Variants in ROPN1L observed in about 807,000 individuals in gnomAD.
The protein encoded by ROPN1L is ropporin-1-like protein.
A neutral mutation model predicts 22.7 loss-of-function variants in ROPN1L; 23 were observed. The ratio of observed to expected loss-of-function variants is 1.01; its 90% CI spans 0.73 to 1.43. The LOEUF (loss-of-function observed/expected upper bound fraction) is 1.43, where lower values mean the gene tolerates loss of function less well. ROPN1L is among the 40% of genes most tolerant of loss of function. The pLI is 0.00. For synonymous variants in ROPN1L, 116 were observed against 117.8 expected, an observed-to-expected ratio of 0.98 and a Z score of 0.10; for missense variants, 271 against 291.5, an observed-to-expected ratio of 0.93 and a Z score of 0.51.
the ROPN1L span, among the ~76,000 whole-genome samples, chr5:10,477,802 C>T: frequency 6.6e-6 from 1 of 152,024 alleles, no homozygotes; most frequent in African/African-American, 2.4e-5. Context: ...TGGTGGCGTT[C>T]ACCTATAATC....
downstream of ROPN1L, among the ~76,000 whole-genome samples, chr5:10,475,566 A>G (rs1451080392): frequency 6.6e-6 from 1 of 152,246 alleles, no homozygotes; most frequent in Non-Finnish European, 1.5e-5. Context: ...AGTAAACATA[A>G]TGCCCACTTC....
intron 3 of ROPN1L, among the ~76,000 whole-genome samples, chr5:10,458,549 AC>A (rs1396458661): frequency 1.5e-5 from 1 of 65,502 alleles, no homozygotes. Flanking sequence ...CCCCGTGTAC[AC>A]CATCCCCCCC....
In ROPN1L at chr5:10,461,247, G is replaced by C. The variant is rs761391233; in HGVS notation, c.481G>C (p.Ala161Pro). Reference protein sequence around the residue: ...ILTDDPEGGPARIPFKTFSYV... With the variant: ...ILTDDPEGGPPRIPFKTFSYV... ...CACGGACGATCCGGAGGGCGGGCCC[G>C]CTCGCATCCCCTTCAAGACGTTTTC... The change falls in exon 4 of 5, where the codon GCT becomes CCT. Residue 161 changes from alanine to proline, a missense_variant. Physicochemically the swap from Ala to Pro is conservative, Grantham distance 27. Coordinates refer to ENST00000274134, the MANE Select transcript of ROPN1L (RefSeq NM_031916.5). 41 of 1,614,032 alleles carry C rather than the reference G, an allele frequency of 2.5e-5. No homozygotes were observed. In the East Asian group the frequency reaches 8.5e-4, roughly 33 times the overall value.
intron 4 of ROPN1L, among the ~76,000 whole-genome samples, chr5:10,462,006 T>C (rs1735040701): frequency 6.6e-6 from 1 of 152,194 alleles, no homozygotes. Flanking sequence ...CTAAGCCCTG[T>C]CCTTTTAGGG....
chr5:10,448,343 C>G lies in ROPN1L; in HGVS notation c.215C>G (p.Thr72Arg), dbSNP rs764389098. 35 of 1,614,194 alleles carry G rather than the reference C, an allele frequency of 2.2e-5. No individual in the cohort carries two copies. Among genetic ancestry groups the G allele is most frequent in the Middle Eastern group, 3.3e-4 (2 of 6,060 alleles). ...CCCACGGCAACCCAGAAAACAGACA[C>G]AGGCCTGACTCAAGGACTCCTGAAA... ...EMPTATQKTDTGLTQGLLKVL... is the reference protein window; with the variant it reads ...EMPTATQKTDRGLTQGLLKVL... The change falls in exon 2 of 5, where the codon ACA (threonine) becomes AGA (arginine). Residue 72 changes from threonine to arginine, a missense_variant. Physicochemically the swap from Thr to Arg is moderately conservative, Grantham distance 71 (BLOSUM62 -1). Transcript: ENST00000274134.
intron 1 of ROPN1L, among the ~76,000 whole-genome samples, chr5:10,444,454 C>A (rs1021464757): frequency 3.3e-5 from 5 of 152,036 alleles, no homozygotes; most frequent in Admixed American, 2.0e-4. Context: ...CCACACCCGG[C>A]TAATTTTTGT....
At chr5:10,472,579 C>G (rs1735266507), downstream of ROPN1L, among the ~76,000 whole-genome samples, 1 of 152,170 alleles carries the variant, frequency 6.6e-6, no homozygotes, top group Non-Finnish European at 1.5e-5. Context: ...ATACGTGACA[C>G]TGTTATGTTG....
At chr5:10,453,744 G>A (rs917612656) in intron 3 of ROPN1L, among the ~76,000 whole-genome samples, 3 of 152,088 alleles carry the variant, frequency 2.0e-5, no homozygotes, top group Admixed American at 6.5e-5. Context: ...CAAATTCATC[G>A]AGTTGAAGAT....
chr5:10,463,014 G>A (rs1181589348), intron 4 of ROPN1L, among the ~76,000 whole-genome samples: 3 of 152,198 alleles, frequency 2.0e-5, no homozygotes, highest in East Asian at 3.8e-4. Context: ...GTAGTGCCAC[G>A]GATGCAGGAT....
chr5:10,466,313 T>G (rs1197842501), downstream of ROPN1L, among the ~76,000 whole-genome samples: 1 of 152,114 alleles, frequency 6.6e-6, no homozygotes, highest in Non-Finnish European at 1.5e-5. Flanking sequence ...GAGACGTGCT[T>G]TCACTGTGAC....
At position 10,442,298 on chromosome 5, in the gene ROPN1L, G is replaced by C; in HGVS notation, c.131G>C (p.Gly44Ala). The part of the protein sequence containing the change: ...QPADVLRWSA[G>A]YFSALSRGDP... Reference sequence around the variant, plus strand: ...GCCGACGTGCTGCGGTGGTCCGCGGGGTAAGCGCCCTTGGCCCGGGGAGCT... The same window carrying C: ...GCCGACGTGCTGCGGTGGTCCGCGGCGTAAGCGCCCTTGGCCCGGGGAGCT... Residue 44 changes from glycine to alanine, a missense_variant and splice_region_variant, in exon 1 of 5, where the codon GGC (glycine) becomes GCC (alanine). Gly to Ala is a moderately conservative substitution (Grantham distance 60). Transcript: ENST00000274134. 1 of 1,612,952 alleles carries C rather than the reference G, an allele frequency of 6.2e-7. No homozygotes were observed. Among genetic ancestry groups the C allele is most frequent in the African/African-American group, 1.3e-5 (1 of 75,048 alleles).
downstream of ROPN1L, among the ~76,000 whole-genome samples, chr5:10,467,990 C>T (rs184583902): frequency 1.3e-5 from 2 of 152,338 alleles, no homozygotes; most frequent in Non-Finnish European, 2.9e-5. Context: ...GGCCACTGGC[C>T]GGCTCAGCAT....
chr5:10,481,859 C>G, the ROPN1L span: 1 of 152,222 alleles, frequency 6.6e-6, no homozygotes, highest in African/African-American at 2.4e-5. Flanking sequence ...ACCAAACCTG[C>G]TCTCTGCTCT....
downstream of ROPN1L, among the ~76,000 whole-genome samples, chr5:10,467,893 C>T (rs1308856922): frequency 1.3e-5 from 2 of 152,168 alleles, no homozygotes; most frequent in Non-Finnish European, 2.9e-5. Flanking sequence ...CCAGCCAGAC[C>T]CAAGGTTTTC....
intron 4 of ROPN1L, among the ~76,000 whole-genome samples, chr5:10,464,004 G>A (rs1226323725): frequency 6.6e-6 from 1 of 152,100 alleles, no homozygotes; most frequent in Non-Finnish European, 1.5e-5. Context: ...ACAGCACCAG[G>A]AGCTGGCGCT....
chr5:10,475,893 G>GTCC (rs1735310686), downstream of ROPN1L, among the ~76,000 whole-genome samples: 2 of 152,230 alleles, frequency 1.3e-5, no homozygotes, highest in African/African-American at 4.8e-5. Context: ...CAGATGAAGG[G>GTCC]TCCTTGGTGA....
At chr5:10,446,271 G>A (rs1242089018) in intron 1 of ROPN1L, among the ~76,000 whole-genome samples, 1 of 152,224 alleles carries the variant, frequency 6.6e-6, no homozygotes, top group Admixed American at 6.5e-5. Context: ...GGCACAGGAG[G>A]AAGGGGCATC....
At chr5:10,461,696 C>T (rs1354982682) in intron 4 of ROPN1L, among the ~76,000 whole-genome samples, 1 of 152,206 alleles carries the variant, frequency 6.6e-6, no homozygotes, top group African/African-American at 2.4e-5. Context: ...GGTTATTTTG[C>T]CTGTGCTTCT....
intron 1 of ROPN1L, among the ~76,000 whole-genome samples, chr5:10,442,575 T>C (rs959648193): frequency 1.3e-5 from 2 of 152,256 alleles, no homozygotes; most frequent in Admixed American, 1.3e-4. Context: ...ATGATGAAGA[T>C]AGACTAAAAC....
Sources: allele counts gnomAD v4.1 joint callset (sites outside exome capture counted in the v4.1 genomes callset), GRCh38; gene constraint gnomAD v4.1.1; transcripts MANE v1.5; gene names NCBI Gene and HGNC (gene_info 2026-07-23, HGNC 2026-07-21).